Variants in GAN observed in about 807,000 individuals in gnomAD.
GAN encodes epididymis secretory sperm binding protein.
Under a neutral mutation model 71.3 loss-of-function variants are expected in GAN, and 48 were observed. That is an observed-to-expected ratio of 0.67 (90% CI 0.53 to 0.86). GAN has a LOEUF of 0.86. GAN is among the 40% of genes least tolerant of loss of function. The probability of loss-of-function intolerance (pLI) is 0.00; values close to 1 mark genes in which losing one functional copy is unlikely to be tolerated. For synonymous variants in GAN, 386 were observed against 276.8 expected (o/e 1.39, Z -3.92); for missense variants, 928 against 770.1 (o/e 1.21, Z -2.43).
chr16:81,348,225 AT>A (rs1266067862), intron 1 of GAN, among the ~76,000 whole-genome samples: 6 of 151,072 alleles, frequency 4.0e-5, no homozygotes, highest in Non-Finnish European at 5.9e-5. Context: ...ATTTAAAAAA[AT>A]TTTTTTTTCA....
intron 1 of GAN, among the ~76,000 whole-genome samples, chr16:81,342,593 GAC>G (rs1909981656): frequency 6.6e-6 from 1 of 152,142 alleles, no homozygotes; most frequent in Admixed American, 6.6e-5. Flanking sequence ...TGAGAACAAA[GAC>G]ACAACGTACC....
chr16:81,377,046 T>C (rs1441269118), intron 9 of GAN, among the ~76,000 whole-genome samples, 173 bp from the exon 10 acceptor site: 3 of 152,172 alleles, frequency 2.0e-5, no homozygotes, highest in Non-Finnish European at 4.4e-5. Flanking sequence ...ACAAAACTCC[T>C]ATCTGTAGCG....
At chr16:81,375,317 C>CTTTT (rs370495519) in intron 9 of GAN, among the ~76,000 whole-genome samples, 1 of 125,240 alleles carries the variant, frequency 8.0e-6, no homozygotes, top group African/African-American at 3.0e-5. Context: ...TTGCTACGTC[C>CTTTT]TTTTTTTTTT....
rs1010795324 is a variant in GAN, at chr16:81,388,821, C to T, written c.*11225C>T. Reference sequence around the variant, plus strand: ...CTTAAAAACACACTATGTTCCAAATCGTTGTGGGATCGGAAACTAGAACTG... The same window carrying T: ...CTTAAAAACACACTATGTTCCAAATTGTTGTGGGATCGGAAACTAGAACTG... On this transcript the variant is annotated 3_prime_UTR_variant, in exon 11 of 11. Coordinates refer to ENST00000648994, the MANE Select transcript of GAN (RefSeq NM_022041.4). 2 of 152,230 alleles carry T rather than the reference C, an allele frequency of 1.3e-5. No individual in the cohort carries two copies. The highest frequency in any genetic ancestry group is 2.4e-5 in the African/African-American group (1 of 41,454). The allele number at this position is 152,230 out of a possible 1,614,324, so 9.4% of individuals were successfully genotyped here.
chr16:81,343,243 AGG>A (rs1910006142), intron 1 of GAN, among the ~76,000 whole-genome samples: 1 of 152,352 alleles, frequency 6.6e-6, no homozygotes, highest in African/African-American at 2.4e-5. Context: ...CAATAGAAAA[AGG>A]GGGAATCCTC....
rs1904304978 is a variant in GAN at position 81,381,543 on chromosome 16, C to T, written c.*3947C>T. On this transcript the variant is annotated 3_prime_UTR_variant, in exon 11 of 11. Transcript: ENST00000648994. The stretch of plus-strand genomic sequence containing the variant: ...AAGAGAGCAGCTGAGTGTAGCAAAA[C>T]CCGCCTTGGGTCAGCCAACACATGT... 6.6e-6 allele frequency: 1 copy of T among 152,214 alleles called. No individual in the cohort carries two copies. Among genetic ancestry groups the T allele is most frequent in the Admixed American group, 6.5e-5 (1 of 15,280 alleles). 9.4% of individuals were successfully genotyped at this position (152,214 alleles called of 1,614,324 possible). A position where few individuals can be genotyped will look rare whatever the true frequency, so the allele number is the denominator to read the frequency against.
chr16:81,376,702 A>G (rs1369837375), intron 9 of GAN, among the ~76,000 whole-genome samples: 2 of 150,408 alleles, frequency 1.3e-5, no homozygotes, highest in South Asian at 4.2e-4. Context: ...ATATATGCAC[A>G]CGCATACACA....
Position 81,315,082 on chromosome 16 carries a change from C to G in GAN, c.-32C>G. The G allele has an allele frequency of 6.9e-7, 1 of 1,458,884 alleles. No individual in the cohort carries two copies. Among genetic ancestry groups the G allele is most frequent in the Non-Finnish European group, 9.1e-7 (1 of 1,099,482 alleles). 90.4% of individuals were successfully genotyped at this position (1,458,884 alleles called of 1,614,324 possible). A position where few individuals can be genotyped will look rare whatever the true frequency, so the allele number is the denominator to read the frequency against. On this transcript the variant is annotated 5_prime_UTR_variant, in exon 1 of 11. Transcript: ENST00000648994. ...GGGTCCGGCCGGACGGTGTCGGGAG[C>G]CGGACCCGTCGGCAGAGGAGCGGGC...
Position 81,362,609 on chromosome 16 carries a change from G to A in GAN, c.1084G>A (p.Glu362Lys), listed in dbSNP as rs587779384. 15 of 1,429,668 alleles carry A rather than the reference G, an allele frequency of 1.0e-5. No individual in the cohort carries two copies. Among genetic ancestry groups the A allele is most frequent in the Non-Finnish European group, 1.3e-5 (13 of 1,011,432 alleles). 88.6% of individuals were successfully genotyped at this position (1,429,668 alleles called of 1,614,324 possible). A position where few individuals can be genotyped will look rare whatever the true frequency, so the allele number is the denominator to read the frequency against. The change falls in exon 6 of 11, where the codon GAG becomes AAG. Residue 362 changes from glutamate to lysine, a missense_variant and splice_region_variant. Physicochemically the swap from Glu to Lys is moderately conservative, Grantham distance 56. Coordinates refer to ENST00000648994, the MANE Select transcript of GAN (RefSeq NM_022041.4). ...ATGGACAGCATTGCCACCTATGAACGAGGTAAAACACTAGTTGGTTGGTTT... is the reference window on the plus strand; with the variant it reads ...ATGGACAGCATTGCCACCTATGAACAAGGTAAAACACTAGTTGGTTGGTTT... Reference protein sequence around the residue: ...NTWTALPPMNEARHNFGIVEI... With the variant: ...NTWTALPPMNKARHNFGIVEI...
At chr16:81,325,294 C>T (rs371496580) in intron 1 of GAN, among the ~76,000 whole-genome samples, 1 of 152,172 alleles carries the variant, frequency 6.6e-6, no homozygotes, top group East Asian at 1.9e-4. Flanking sequence ...ACTACTTGGG[C>T]GATCACATAT....
rs1182893593 is a variant in GAN, at chr16:81,390,468, T to G, written c.*12872T>G. The G allele has an allele frequency of 6.6e-6, 1 of 152,230 alleles. No individual in the cohort carries two copies. Among genetic ancestry groups the G allele is most frequent in the African/African-American group, 2.4e-5 (1 of 41,460 alleles). The allele number at this position is 152,230 out of a possible 1,614,324, so 9.4% of individuals were successfully genotyped here. On this transcript the variant is annotated 3_prime_UTR_variant, in exon 11 of 11. Transcript: ENST00000648994. ...TAACCTAAATTAAGTAGCACGCACT[T>G]TGTTTACATGCTTCAGTATATTGTG...
Position 81,314,976 on chromosome 16 carries a change from C to G in GAN, c.-138C>G. ...CAGCGCGCCGCGGATAGCACAGGCACGTCCCGGGGGCTCCAGCTTCTGCTC... is the reference window on the plus strand; with the variant it reads ...CAGCGCGCCGCGGATAGCACAGGCAGGTCCCGGGGGCTCCAGCTTCTGCTC... On this transcript the variant is annotated 5_prime_UTR_variant, in exon 1 of 11. Transcript: ENST00000648994. The G allele has an allele frequency of 1.5e-6, 1 of 684,642 alleles. No individual in the cohort carries two copies. The highest frequency in any genetic ancestry group is 4.5e-4 in the Middle Eastern group (1 of 2,228). 42.4% of individuals were successfully genotyped at this position (684,642 alleles called of 1,614,324 possible). A position where few individuals can be genotyped will look rare whatever the true frequency, so the allele number is the denominator to read the frequency against.
intron 1 of GAN, among the ~76,000 whole-genome samples, chr16:81,336,873 C>G (rs898909151): frequency 2.6e-5 from 4 of 152,110 alleles, no homozygotes; most frequent in Admixed American, 1.3e-4. Flanking sequence ...CACAGCCTCC[C>G]CCATTATCAG....
intron 1 of GAN, among the ~76,000 whole-genome samples, chr16:81,317,995 T>C (rs1404959559): frequency 6.6e-6 from 1 of 152,224 alleles, no homozygotes; most frequent in East Asian, 1.9e-4. Context: ...TTAAAAATTA[T>C]CAATTCCGAA....
chr16:81,345,822 C>G (rs1181557833), intron 1 of GAN, among the ~76,000 whole-genome samples: 2 of 152,194 alleles, frequency 1.3e-5, no homozygotes, highest in African/African-American at 4.8e-5. Context: ...GTCTGCAAGA[C>G]GCATGCAAGT....
rs1278071165 is a variant in GAN, at chr16:81,381,217, T to C, written c.*3621T>C. The C allele has an allele frequency of 6.6e-6, 1 of 152,186 alleles. No homozygotes were observed. The highest frequency in any genetic ancestry group is 6.5e-5 in the Admixed American group (1 of 15,278). 9.4% of individuals were successfully genotyped at this position (152,186 alleles called of 1,614,324 possible). On this transcript the variant is annotated 3_prime_UTR_variant, in exon 11 of 11. Coordinates refer to ENST00000648994, the MANE Select transcript of GAN (RefSeq NM_022041.4). ...GAAATGTCTTAGCTGCTGTGGTCCA[T>C]TAGAGTTCCCTTTGGTACATTCCTA...
chr16:81,316,621 C>G (rs895549644), intron 1 of GAN, among the ~76,000 whole-genome samples: 1 of 152,140 alleles, frequency 6.6e-6, no homozygotes, highest in Non-Finnish European at 1.5e-5. Flanking sequence ...AGTCAGCAGA[C>G]CAAAGTCTTC....
intron 1 of GAN, among the ~76,000 whole-genome samples, chr16:81,321,976 T>G (rs763066904): frequency 6.6e-6 from 1 of 152,178 alleles, no homozygotes; most frequent in Non-Finnish European, 1.5e-5. Context: ...ATAAAGATTC[T>G]ATGTCCATCT....
rs759200321 is a variant in GAN, at chr16:81,377,460, C to T, written c.1658C>T (p.Thr553Ile). 4 of 1,613,978 alleles carry T rather than the reference C, an allele frequency of 2.5e-6. No individual in the cohort carries two copies. In the African/African-American group the frequency reaches 5.3e-5, roughly 22 times the overall value. Residue 553 changes from threonine (T) to isoleucine (I), a missense_variant, in exon 11 of 11, where the codon ACC becomes ATC. Thr to Ile is a moderately conservative substitution (Grantham distance 89). Transcript: ENST00000648994. ...CGTGAGTTTAAAAGAAGCACAGGAA[C>T]CTGGCACCACACTAAACCACTCCTT... ...YVREFKRSTG[T>I]WHHTKPLLPS... is the part of the protein sequence containing the mutation.
Sources: gnomAD v4.1 joint callset for allele counts (sites outside exome capture counted in the v4.1 genomes callset) on GRCh38, gnomAD v4.1.1 for gene constraint, MANE v1.5 for transcripts, NCBI Gene and HGNC (gene_info 2026-07-23, HGNC 2026-07-21) for gene names.